Variants in RALGAPA1 observed in about 807,000 individuals in gnomAD.
RALGAPA1 encodes the protein ral GTPase-activating protein subunit alpha-1.
Under a neutral mutation model 269.6 loss-of-function variants are expected in RALGAPA1, and 52 were observed. The observed-to-expected ratio is 0.19, with a 90% CI of 0.15 to 0.24. RALGAPA1 has a LOEUF of 0.24. Among genes scored for constraint, RALGAPA1 ranks in the 10% least tolerant of loss-of-function variants. The pLI, the probability that RALGAPA1 is intolerant of heterozygous loss-of-function variation, is 1.00. For missense variants in RALGAPA1, 1,917 were observed against 3,013.9 expected (o/e 0.64, Z 8.52); for synonymous variants, 817 against 1,008.3 (o/e 0.81, Z 3.60).
intron 31 of RALGAPA1, among the ~76,000 whole-genome samples, chr14:35,649,230 G>T (rs1479954385): frequency 6.6e-6 from 1 of 152,138 alleles, no homozygotes; most frequent in East Asian, 1.9e-4. Flanking sequence ...TTGGCTGTGG[G>T]TTCTACTTTG....
At chr14:35,645,807 T>C (rs2062402047) in intron 31 of RALGAPA1, among the ~76,000 whole-genome samples, 1 of 152,000 alleles carries the variant, frequency 6.6e-6, no homozygotes, top group African/African-American at 2.4e-5. Flanking sequence ...AAACACCATT[T>C]GCCACTTAAC....
chr14:35,751,987 A>C (rs747386838), intron 8 of RALGAPA1, 37 bp downstream of exon 8: 2 of 1,556,808 alleles, frequency 1.3e-6, no homozygotes, highest in Non-Finnish European at 1.7e-6. Context: ...TTTTACTCTT[A>C]AGTGTGATCT....
chr14:35,806,382 A>AG (rs921561869), intron 1 of RALGAPA1, among the ~76,000 whole-genome samples: 5 of 152,218 alleles, frequency 3.3e-5, no homozygotes, highest in African/African-American at 1.2e-4. Context: ...TAACAGCTTT[A>AG]GAAATCAGAC....
intron 27 of RALGAPA1, among the ~76,000 whole-genome samples, 153 bp downstream of exon 27, chr14:35,664,489 G>C (rs2063777800): frequency 6.6e-6 from 1 of 152,126 alleles, no homozygotes; most frequent in Non-Finnish European, 1.5e-5. Flanking sequence ...TGCTCCAAAT[G>C]AACATTCAAG....
chr14:35,674,642 A>C lies in RALGAPA1; in HGVS notation c.4692T>G (p.Ala1564=). Residue 1564 remains alanine, a synonymous_variant, in exon 23 of 42, where the codon GCT becomes GCG. Coordinates refer to ENST00000680220, the MANE Select transcript of RALGAPA1 (RefSeq NM_001346249.2). ...TTCGCCACATTACAGTAGCAACATC[A>C]GCATGCCATCCAGTCAGAGTACCTC... ...MAGGTLTGWH[A]DVATVMWRRM... 1.3e-6 allele frequency: 2 copies of C among 1,561,898 alleles called. No homozygotes were observed. The highest frequency in any genetic ancestry group is 1.8e-6 in the Non-Finnish European group (2 of 1,133,698).
At chr14:35,591,812 G>A (rs2058656211) in intron 37 of RALGAPA1, among the ~76,000 whole-genome samples, 3 of 152,152 alleles carry the variant, frequency 2.0e-5, no homozygotes, top group Non-Finnish European at 2.9e-5. Flanking sequence ...ATCCACATGT[G>A]TCAAGGGAGG....
chr14:35,787,627 T>C (rs2075882900), intron 1 of RALGAPA1, among the ~76,000 whole-genome samples: 1 of 152,134 alleles, frequency 6.6e-6, no homozygotes, highest in South Asian at 2.1e-4. Context: ...ATTTACCCAT[T>C]TCTTTTTTTT....
At chr14:35,804,355 G>C (rs1025838664) in intron 1 of RALGAPA1, among the ~76,000 whole-genome samples, 1 of 150,972 alleles carries the variant, frequency 6.6e-6, no homozygotes, top group Non-Finnish European at 1.5e-5. Flanking sequence ...AGGATCACGA[G>C]GTCAGGAGTT....
At chr14:35,685,997 A>G (rs967120492) in intron 19 of RALGAPA1, among the ~76,000 whole-genome samples, 2 of 152,204 alleles carry the variant, frequency 1.3e-5, no homozygotes, top group African/African-American at 4.8e-5. Flanking sequence ...CATTCAAGAT[A>G]AAGATAACTT....
intron 31 of RALGAPA1, among the ~76,000 whole-genome samples, chr14:35,645,956 T>G (rs2062410590): frequency 6.6e-6 from 1 of 152,064 alleles, no homozygotes; most frequent in Non-Finnish European, 1.5e-5. Context: ...AAGAAGCCAC[T>G]TTGAAGGGGC....
chr14:35,553,667 T>C (rs893366352), intron 39 of RALGAPA1, among the ~76,000 whole-genome samples: 1 of 152,168 alleles, frequency 6.6e-6, no homozygotes, highest in Non-Finnish European at 1.5e-5. Flanking sequence ...TGTATGCGTA[T>C]ACATATGTTA....
chr14:35,605,830 T>G, intron 35 of RALGAPA1, 121 bp from the exon 36 acceptor site: 1 of 1,187,096 alleles, frequency 8.4e-7, no homozygotes, highest in Non-Finnish European at 1.2e-6. Context: ...TTAGATCTTA[T>G]AGTCTACAGA....
intron 39 of RALGAPA1, among the ~76,000 whole-genome samples, chr14:35,562,134 T>C (rs1385095288): frequency 1.3e-5 from 2 of 152,216 alleles, no homozygotes; most frequent in Admixed American, 6.5e-5. Context: ...AAGACCTTCA[T>C]AGAAAGCATG....
Position 35,640,708 on chromosome 14 carries a change from G to T in RALGAPA1, c.5677-5110C>A, listed in dbSNP as rs542113891. Among the ~76,000 whole-genome samples the T allele has an allele frequency of 2.2e-4, 34 of 152,232 alleles. 1 individual carries two copies. Among genetic ancestry groups the T allele is most frequent in the Admixed American group, 8.5e-4 (13 of 15,266 alleles). On this transcript the variant is annotated intron_variant, in intron 31 of 41. Transcript: ENST00000680220. ...TCTGAAACTATTCTGAAAAACAGAG[G>T]AGGAAGTATTTCCAAACTCATTCTA... is the stretch of plus-strand genomic sequence containing the variant.
At chr14:35,622,992 G>A (rs1177219292) in intron 35 of RALGAPA1, among the ~76,000 whole-genome samples, 3 of 149,376 alleles carry the variant, frequency 2.0e-5, no homozygotes, top group Non-Finnish European at 4.4e-5. Context: ...TGAGGCACAT[G>A]AATCACTTGA....
intron 39 of RALGAPA1, among the ~76,000 whole-genome samples, chr14:35,553,220 G>A (rs1391996634): frequency 2.6e-5 from 4 of 152,176 alleles, no homozygotes; most frequent in Non-Finnish European, 4.4e-5. Context: ...CTGTCTCTAG[G>A]AGGGCAATTT....
At chr14:35,595,297 T>A (rs1460980687) in intron 37 of RALGAPA1, among the ~76,000 whole-genome samples, 1 of 151,968 alleles carries the variant, frequency 6.6e-6, no homozygotes, top group Non-Finnish European at 1.5e-5. Context: ...CATACACACA[T>A]AAAAAAACTA....
intron 39 of RALGAPA1, among the ~76,000 whole-genome samples, chr14:35,560,483 T>TC (rs2056103949): frequency 9.9e-5 from 15 of 152,170 alleles, no homozygotes; most frequent in Admixed American, 9.8e-4. Flanking sequence ...GTAAAGCCAT[T>TC]CCTCTAATTT....
At chr14:35,774,952 A>C in intron 3 of RALGAPA1, 54 bp downstream of exon 3, 3 of 1,038,398 alleles carry the variant, frequency 2.9e-6, no homozygotes, top group Non-Finnish European at 4.4e-6. Flanking sequence ...ATTCCTTTGT[A>C]TGTTCCAAAA....
Sources: gnomAD v4.1 joint callset for allele counts (sites outside exome capture counted in the v4.1 genomes callset) on GRCh38, gnomAD v4.1.1 for gene constraint, MANE v1.5 for transcripts, NCBI Gene and HGNC (gene_info 2026-07-23, HGNC 2026-07-21) for gene names.